The following RILPL1 variants were observed in gnomAD, a reference collection of about 807,000 sequenced individuals.
RILPL1 encodes the protein RILP-like protein 1.
In RILPL1, 33 loss-of-function variants were observed where a neutral mutation model predicts 50.3. The ratio of observed to expected loss-of-function variants is 0.66; its 90% CI spans 0.50 to 0.88. The LOEUF (loss-of-function observed/expected upper bound fraction) is 0.88. RILPL1 is among the 40% of genes least tolerant of loss of function. The pLI, the probability that RILPL1 is intolerant of heterozygous loss-of-function variation, is 0.00. For missense variants in RILPL1, 418 were observed against 542.5 expected, an observed-to-expected ratio of 0.77 and a Z score of 2.28; for synonymous variants, 205 against 228.6, an observed-to-expected ratio of 0.90 and a Z score of 0.93.
At chr12:123,523,018 C>G (rs1200528502) in intron 2 of RILPL1, among the ~76,000 whole-genome samples, 4 of 152,126 alleles carry the variant, frequency 2.6e-5, no homozygotes, top group Admixed American at 6.5e-5. Context: ...CATTAGGGTT[C>G]AAATGTGACC....
intron 2 of RILPL1, among the ~76,000 whole-genome samples, chr12:123,520,549 A>G (rs1484141773): frequency 6.6e-6 from 1 of 152,066 alleles, no homozygotes; most frequent in Admixed American, 6.6e-5. Flanking sequence ...ACGGAGTGAG[A>G]CTCCGTCTCA....
intron 4 of RILPL1, among the ~76,000 whole-genome samples, chr12:123,492,932 C>T (rs1412943794): frequency 6.6e-6 from 1 of 152,172 alleles, no homozygotes; most frequent in African/African-American, 2.4e-5. Context: ...CTAGGAAAGC[C>T]ACGTATTGTC....
intron 2 of RILPL1, among the ~76,000 whole-genome samples, chr12:123,500,460 T>C (rs941864702): frequency 1.3e-5 from 2 of 151,544 alleles, no homozygotes; most frequent in Non-Finnish European, 2.9e-5. Flanking sequence ...AATTTTTGTA[T>C]TTTTAGTAGA....
chr12:123,481,901 C>T (rs113829246), intron 6 of RILPL1, among the ~76,000 whole-genome samples: 8,874 of 151,046 alleles, frequency 0.059, 817 homozygotes, highest in African/African-American at 0.19. Flanking sequence ...GATGGAGTCT[C>T]GCTCTGTCGC....
chr12:123,521,447 C>A (rs1884996372), intron 2 of RILPL1, among the ~76,000 whole-genome samples: 1 of 150,982 alleles, frequency 6.6e-6, no homozygotes, highest in Non-Finnish European at 1.5e-5. Flanking sequence ...AGAATCCAGA[C>A]CTGGATCAAA....
At chr12:123,496,972 C>T (rs886889102) in intron 4 of RILPL1, among the ~76,000 whole-genome samples, 6 of 152,228 alleles carry the variant, frequency 3.9e-5, no homozygotes, top group African/African-American at 1.4e-4. Flanking sequence ...CAGCCCCATT[C>T]GGACACCAGT....
In RILPL1 at chr12:123,522,321, C is replaced by A. The variant is rs781769729; in HGVS notation, c.460+1174G>T. On this transcript the variant is annotated intron_variant, in intron 2 of 6. Transcript: ENST00000376874. This position sits in a 1 kb window ranked among gnomAD's most constrained non-coding sequence, Gnocchi z 4.0. ...ACAGCCCCGCCTGGCCCGAATCTTGCGGCCCATTTGTCCTTTTCCCAGCAC... is the reference window on the plus strand; with the variant it reads ...ACAGCCCCGCCTGGCCCGAATCTTGAGGCCCATTTGTCCTTTTCCCAGCAC... 8.5e-5 allele frequency among the ~76,000 whole-genome samples: 13 copies of A among 152,188 alleles called. No homozygotes were observed. Among genetic ancestry groups the A allele is most frequent in the Non-Finnish European group, 1.9e-4 (13 of 68,032 alleles).
Position 123,489,094 on chromosome 12 carries a change from G to A in RILPL1, c.802-3289C>T, listed in dbSNP as rs75553354. 6.8e-3 allele frequency among the ~76,000 whole-genome samples: 1,038 copies of A among 152,294 alleles called. 10 individuals carry two copies. The highest frequency in any genetic ancestry group is 0.024 in the African/African-American group (986 of 41,564). Reference sequence around the variant, plus strand: ...CCAGTTCTCCTCTTTCCCTGGCCCAGCTTCACCAAGGAGCAACCCTGGATG... The same window carrying A: ...CCAGTTCTCCTCTTTCCCTGGCCCAACTTCACCAAGGAGCAACCCTGGATG... On this transcript the variant is annotated intron_variant, in intron 4 of 6. Coordinates refer to ENST00000376874, the MANE Select transcript of RILPL1 (RefSeq NM_178314.5). The surrounding 1 kb of genome is among the most constrained non-coding windows in gnomAD (Gnocchi z 4.0).
chr12:123,513,484 G>A (rs151242046), intron 2 of RILPL1: 19 of 238,428 alleles, frequency 8.0e-5, no homozygotes, highest in Admixed American at 1.5e-4. Flanking sequence ...GGCGGCAGCC[G>A]TAGGAGCTAT....
chr12:123,523,123 C>T (rs781370596), intron 2 of RILPL1, among the ~76,000 whole-genome samples: 9 of 152,166 alleles, frequency 5.9e-5, no homozygotes, highest in Admixed American at 1.3e-4. Context: ...AGCACGGCCG[C>T]CCCCTGGAAC....
intron 4 of RILPL1, among the ~76,000 whole-genome samples, chr12:123,488,043 A>G (rs1882455559): frequency 6.6e-6 from 1 of 152,180 alleles, no homozygotes; most frequent in Non-Finnish European, 1.5e-5. Context: ...TGAGCCACCA[A>G]TGTCCCGTGA....
chr12:123,501,390 G>C lies in RILPL1; in HGVS notation c.461-1854C>G, dbSNP rs1043563942. ...AGCCCAGGAGTTCGAGGCTGCAGTG[G>C]GCTCTGATTGCACCACTGTACTCCA... On this transcript the variant is annotated intron_variant, in intron 2 of 6. Transcript: ENST00000376874. Among the ~76,000 whole-genome samples the C allele has an allele frequency of 6.6e-5, 10 of 152,064 alleles. No homozygotes were observed. In the East Asian group the frequency reaches 1.9e-3, roughly 29 times the overall value.
chr12:123,479,140 T>C (rs1593532883), intron 6 of RILPL1, among the ~76,000 whole-genome samples: 1 of 150,690 alleles, frequency 6.6e-6, no homozygotes, highest in South Asian at 2.1e-4. Context: ...AAGGAATGGG[T>C]TCAAATCTGA....
chr12:123,526,212 A>G (rs1885250638), intron 1 of RILPL1, among the ~76,000 whole-genome samples: 1 of 152,162 alleles, frequency 6.6e-6, no homozygotes, highest in Admixed American at 6.5e-5. Flanking sequence ...AAGCTGAGCC[A>G]GGAGAACTGC....
At chr12:123,518,413 G>C (rs1201448006) in intron 2 of RILPL1, 2 of 369,730 alleles carry the variant, frequency 5.4e-6, no homozygotes, top group East Asian at 2.4e-4. Flanking sequence ...AGACTGAGGT[G>C]GGAGAATCTT....
chr12:123,532,481 T>C (rs1434562338), intron 1 of RILPL1, among the ~76,000 whole-genome samples: 1 of 152,040 alleles, frequency 6.6e-6, no homozygotes, highest in African/African-American at 2.4e-5. Context: ...TTGGGACAAA[T>C]TGCTCCTCCC....
intron 2 of RILPL1, among the ~76,000 whole-genome samples, chr12:123,521,717 ATATACACACATATATGTAT>A (rs1885064323): frequency 1.2e-4 from 15 of 120,742 alleles, no homozygotes; most frequent in Non-Finnish European, 3.4e-5. Flanking sequence ...ATAAATATAT[ATATACACACATATATGTAT>A]ATATATAAAA....
intron 2 of RILPL1, chr12:123,513,403 C>G (rs979221818): frequency 2.0e-5 from 7 of 351,622 alleles, no homozygotes; most frequent in South Asian, 4.0e-5. Context: ...GAGAGGTGGG[C>G]GGGAGGCGAG....
In RILPL1 at chr12:123,485,786, T is replaced by G. The variant is rs1423362208; in HGVS notation, c.821A>C (p.Glu274Ala). The change falls in exon 5 of 7, where the codon GAG (glutamate) becomes GCG (alanine). Residue 274 changes from glutamate to alanine, a missense_variant. Physicochemically the swap from Glu to Ala is moderately radical, Grantham distance 107. Coordinates refer to ENST00000376874, the MANE Select transcript of RILPL1 (RefSeq NM_178314.5). This position sits in a 1 kb window ranked among gnomAD's most constrained non-coding sequence, Gnocchi z 4.0. ...EEPETEPVGE[E>A]SISDAEKVAM... ...CACCTTCTCTGCGTCGGAGATGCTCTCCTCTCCCACCGGCTCCGTCTGGAG... is the reference window on the plus strand; with the variant it reads ...CACCTTCTCTGCGTCGGAGATGCTCGCCTCTCCCACCGGCTCCGTCTGGAG... 6 of 1,608,438 alleles carry G rather than the reference T, an allele frequency of 3.7e-6. No homozygotes were observed. The highest frequency in any genetic ancestry group is 1.7e-4 in the Middle Eastern group (1 of 6,018).
Sources: gnomAD v4.1 joint callset for allele counts (sites outside exome capture counted in the v4.1 genomes callset) on GRCh38, gnomAD v4.1.1 for gene constraint, Gnocchi (gnomAD v3.1) non-coding constraint, MANE v1.5 for transcripts, NCBI Gene and HGNC (gene_info 2026-07-23, HGNC 2026-07-21) for gene names.